CFAP299: variants seen among roughly 807,000 people sequenced by gnomAD.
CFAP299 encodes cilia and flagella associated protein 299.
Under a neutral mutation model 27.0 loss-of-function variants are expected in CFAP299, and 21 were observed. That is an observed-to-expected ratio of 0.78 (90% confidence interval 0.55 to 1.12). The LOEUF (loss-of-function observed/expected upper bound fraction) is 1.12, where lower values mean the gene tolerates loss of function less well. Among genes scored for constraint, CFAP299 ranks in the 50% most tolerant of loss-of-function variants. The probability of loss-of-function intolerance (pLI) is 0.00; values close to 1 mark genes in which losing one functional copy is unlikely to be tolerated. For missense variants in CFAP299, 310 were observed against 276.6 expected, an observed-to-expected ratio of 1.12 and a Z score of -0.86; for synonymous variants, 104 against 98.1, an observed-to-expected ratio of 1.06 and a Z score of -0.36.
At chr4:80,902,298 A>G (rs1408990226) in intron 4 of CFAP299, among the ~76,000 whole-genome samples, 3 of 149,140 alleles carry the variant, frequency 2.0e-5, no homozygotes, top group Non-Finnish European at 3.0e-5. Flanking sequence ...GTTTCTTTAT[A>G]TCATTATTTT....
At chr4:80,405,639 T>G (rs1237250795) in intron 2 of CFAP299, among the ~76,000 whole-genome samples, 3 of 151,938 alleles carry the variant, frequency 2.0e-5, no homozygotes, top group Non-Finnish European at 4.4e-5. Context: ...GTTTTTATAT[T>G]AGTATATATA....
At chr4:80,558,362 G>GTTTTTTTTTTTTTTTTTTTTTTTTTTTTT (rs1351346440) in intron 2 of CFAP299, among the ~76,000 whole-genome samples, 1 of 125,388 alleles carries the variant, frequency 8.0e-6, no homozygotes, top group African/African-American at 3.2e-5. Context: ...TTGTTTGTTT[G>GTTTTTTTTTTTTTTTTTTTTTTTTTTTTT]TTTGTTTTTT....
intron 3 of CFAP299, among the ~76,000 whole-genome samples, chr4:80,689,525 A>C (rs1321659433): frequency 6.6e-6 from 1 of 152,232 alleles, no homozygotes; most frequent in Non-Finnish European, 1.5e-5. Flanking sequence ...CCTGCCCTAC[A>C]AGAGCTCCTG....
At chr4:80,422,728 A>C (rs1334522491) in intron 2 of CFAP299, among the ~76,000 whole-genome samples, 1 of 152,170 alleles carries the variant, frequency 6.6e-6, no homozygotes, top group Non-Finnish European at 1.5e-5. Flanking sequence ...ACAATACAAG[A>C]ATTTATGGGT....
chr4:80,440,113 C>A (rs1263601520), intron 2 of CFAP299, among the ~76,000 whole-genome samples: 1 of 152,166 alleles, frequency 6.6e-6, no homozygotes, highest in East Asian at 1.9e-4. Flanking sequence ...GAAGGGGAGG[C>A]TGTGGGCACA....
At chr4:80,630,346 T>G (rs1739142430) in intron 3 of CFAP299, among the ~76,000 whole-genome samples, 1 of 152,314 alleles carries the variant, frequency 6.6e-6, no homozygotes, top group East Asian at 1.9e-4. Context: ...AATATTCTGA[T>G]AACTTTTCTC....
intron 4 of CFAP299, among the ~76,000 whole-genome samples, chr4:80,880,286 A>G (rs997590306): frequency 2.6e-5 from 4 of 152,170 alleles, no homozygotes; most frequent in African/African-American, 9.7e-5. Context: ...GTTCATTTAA[A>G]TAAGAATTAT....
intron 4 of CFAP299, among the ~76,000 whole-genome samples, chr4:80,940,893 C>G (rs1025736917): frequency 6.6e-6 from 1 of 152,072 alleles, no homozygotes; most frequent in African/African-American, 2.4e-5. Flanking sequence ...TATAAGCACA[C>G]AGATAGGTAC....
At chr4:80,335,689 G>A (rs187889308), upstream of CFAP299, 88 of 838,462 alleles carry the variant, frequency 1.0e-4, no homozygotes, top group Middle Eastern at 5.2e-4. Context: ...CAACTGATTG[G>A]CAGGAACGAA....
intron 4 of CFAP299, among the ~76,000 whole-genome samples, chr4:80,899,925 A>G (rs1282832866): frequency 2.0e-5 from 3 of 152,230 alleles, no homozygotes; most frequent in Non-Finnish European, 4.4e-5. Context: ...ATGAACATTA[A>G]GAAATGCCCA....
intron 1 of CFAP299, among the ~76,000 whole-genome samples, chr4:80,339,546 A>G (rs1330013207): frequency 6.6e-6 from 1 of 152,250 alleles, no homozygotes; most frequent in Non-Finnish European, 1.5e-5. Context: ...GCTCAGAAGA[A>G]TAAAAGAAGC....
In CFAP299 at chr4:80,385,189, G is replaced by A. The variant is rs148490410; in HGVS notation, c.242+22305G>A. On this transcript the variant is annotated intron_variant, in intron 2 of 5. Transcript: ENST00000358105. ...CCATGCTGTGCCATACATCTTGAGA[G>A]CTTATTCCTCCTGTGTGACTGAAAC... Among the ~76,000 whole-genome samples, 1,179 of 152,136 alleles carry A rather than the reference G, an allele frequency of 7.7e-3. 3 individuals carry two copies. The highest frequency in any genetic ancestry group is 0.024 in the Middle Eastern group (7 of 294).
chr4:80,860,246 T>G (rs894208558), intron 3 of CFAP299, among the ~76,000 whole-genome samples: 2 of 152,238 alleles, frequency 1.3e-5, no homozygotes, highest in African/African-American at 2.4e-5. Context: ...TCTCGAGCCT[T>G]GGCTTTCAGC....
chr4:80,657,751 T>C (rs920085930), intron 3 of CFAP299, among the ~76,000 whole-genome samples: 7 of 152,180 alleles, frequency 4.6e-5, no homozygotes, highest in African/African-American at 1.7e-4. Context: ...AGTAGTTTTT[T>C]CTAATTCTGT....
intron 2 of CFAP299, among the ~76,000 whole-genome samples, chr4:80,552,465 C>T (rs755425900): frequency 1.8e-4 from 28 of 152,086 alleles, no homozygotes; most frequent in Non-Finnish European, 2.6e-4. Context: ...ACTGGAATTG[C>T]ATGTGCCATC....
At chr4:80,619,182 A>G (rs1029433566) in intron 3 of CFAP299, among the ~76,000 whole-genome samples, 4 of 152,200 alleles carry the variant, frequency 2.6e-5, no homozygotes, top group African/African-American at 9.6e-5. Flanking sequence ...GTTTACTCCC[A>G]AAGTAAGCAT....
At chr4:80,838,610 C>T (rs904639839) in intron 3 of CFAP299, among the ~76,000 whole-genome samples, 1 of 151,960 alleles carries the variant, frequency 6.6e-6, no homozygotes, top group African/African-American at 2.4e-5. Context: ...CTGTTCTGTT[C>T]CTTTGGTCTA....
At chr4:80,595,214 G>A (rs1737000631) in intron 3 of CFAP299, among the ~76,000 whole-genome samples, 1 of 151,926 alleles carries the variant, frequency 6.6e-6, no homozygotes, top group Non-Finnish European at 1.5e-5. Context: ...AATTTCTCTA[G>A]GGCTCTGCCA....
At chr4:80,952,387 A>T (rs1737826551) in intron 5 of CFAP299, among the ~76,000 whole-genome samples, 1 of 152,218 alleles carries the variant, frequency 6.6e-6, no homozygotes, top group African/African-American at 2.4e-5. Context: ...AAAAACTACC[A>T]GAGTAATTGA....
Sources: allele counts gnomAD v4.1 joint callset (sites outside exome capture counted in the v4.1 genomes callset), GRCh38; gene constraint gnomAD v4.1.1; transcripts MANE v1.5; gene names NCBI Gene and HGNC (gene_info 2026-07-23, HGNC 2026-07-21).